Variants in FAM98A observed in about 807,000 individuals in gnomAD.
FAM98A encodes protein FAM98A.
FAM98A carries 25 observed loss-of-function variants against 62.9 expected under a neutral mutation model. That is an observed-to-expected ratio of 0.40 (90% CI 0.29 to 0.56). FAM98A has a LOEUF of 0.56. Ranked by LOEUF, FAM98A falls within the 20% of genes least tolerant of loss-of-function variation. The pLI is 0.51. For synonymous variants in FAM98A, 252 were observed against 228.6 expected (o/e 1.10, Z -0.92); for missense variants, 653 against 640.7 (o/e 1.02, Z -0.21).
intron 6 of FAM98A, among the ~76,000 whole-genome samples, chr2:33,586,115 A>C (rs1162350770): frequency 6.6e-6 from 1 of 152,226 alleles, no homozygotes; most frequent in Non-Finnish European, 1.5e-5. Flanking sequence ...CTATCTGCTG[A>C]ATGACCAAGG....
intron 3 of FAM98A, among the ~76,000 whole-genome samples, chr2:33,591,253 A>C (rs1466612411): frequency 6.6e-6 from 1 of 151,944 alleles, no homozygotes; most frequent in Non-Finnish European, 1.5e-5. Flanking sequence ...TTCAGAAACC[A>C]TAATAGAGTT....
chr2:33,590,497 A>G (rs150110072), intron 3 of FAM98A, among the ~76,000 whole-genome samples: 2 of 152,336 alleles, frequency 1.3e-5, no homozygotes, highest in East Asian at 3.9e-4. Flanking sequence ...ACATGTAGGT[A>G]AATGCTAGAA....
chr2:33,591,945 A>T, intron 3 of FAM98A, 135 bp downstream of exon 3: 2 of 853,642 alleles, frequency 2.3e-6, no homozygotes, highest in Non-Finnish European at 3.6e-6. Context: ...TGGAAATTTA[A>T]GAAAGTTTTA....
In FAM98A at chr2:33,586,844, A is replaced by G; in HGVS notation, c.604-166T>C. Reference sequence around the variant, plus strand: ...CTAACAATTAATGAAATGATAGGTGACAAAAAGCTGATTCACAAAACATAA... The same window carrying G: ...CTAACAATTAATGAAATGATAGGTGGCAAAAAGCTGATTCACAAAACATAA... On this transcript the variant is annotated intron_variant, in intron 5 of 7. Transcript: ENST00000238823. The G allele has an allele frequency of 5.1e-6, 3 of 588,486 alleles. No homozygotes were observed. In the East Asian group the frequency reaches 8.4e-5, roughly 16 times the overall value. The allele number at this position is 588,486 out of a possible 1,614,324, so 36.5% of individuals were successfully genotyped here.
intron 6 of FAM98A, among the ~76,000 whole-genome samples, chr2:33,586,224 C>A (rs1425568549): frequency 2.0e-5 from 3 of 152,112 alleles, no homozygotes; most frequent in Admixed American, 6.5e-5. Flanking sequence ...TTTCTAACTT[C>A]TATTAGCAAA....
In FAM98A at chr2:33,586,543, T is replaced by A. The variant is rs1244756482; in HGVS notation, c.720+19A>T. ...CATGTCTATAAATAGTCTGCTCTTTTAAATTATTTAATGTGTACCTTAGCT... is the reference window on the plus strand; with the variant it reads ...CATGTCTATAAATAGTCTGCTCTTTAAAATTATTTAATGTGTACCTTAGCT... On this transcript the variant is annotated intron_variant, in intron 6 of 7. Coordinates refer to ENST00000238823, the MANE Select transcript of FAM98A (RefSeq NM_015475.5). The A allele has an allele frequency of 6.8e-7, 1 of 1,479,862 alleles. No individual in the cohort carries two copies. The highest frequency in any genetic ancestry group is 1.4e-5 in the African/African-American group (1 of 72,102). The allele number at this position is 1,479,862 out of a possible 1,614,324, so 91.7% of individuals were successfully genotyped here. A position where few individuals can be genotyped will look rare whatever the true frequency, so the allele number is the denominator to read the frequency against.
In FAM98A at chr2:33,585,140, C is replaced by G. The variant is rs138802995; in HGVS notation, c.1193G>C (p.Gly398Ala). The change falls in exon 8 of 8, where the codon GGT becomes GCT. Residue 398 changes from glycine to alanine, a missense_variant. Gly to Ala is a moderately conservative substitution (Grantham distance 60, BLOSUM62 0). Transcript: ENST00000238823. Reference sequence around the variant, plus strand: ...TGGCTGGAAACCTGAATCTCGATAACCACCATCTTGGTAGCCACCTCCTCC... The same window carrying G: ...TGGCTGGAAACCTGAATCTCGATAAGCACCATCTTGGTAGCCACCTCCTCC... ...SGGGGGYQDGGYRDSGFQPGG... is the reference protein window; with the variant it reads ...SGGGGGYQDGAYRDSGFQPGG... The G allele has an allele frequency of 4.9e-5, 79 of 1,614,178 alleles. No individual in the cohort carries two copies. The African/African-American group carries it at 9.7e-4, about 20-fold the overall frequency.
In FAM98A at chr2:33,595,654, T is replaced by C; in HGVS notation, c.54-17A>G. On this transcript the variant is annotated splice_polypyrimidine_tract_variant and intron_variant, in intron 1 of 7. Transcript: ENST00000238823. ...CCCTTGTAACTGGTGAGCAAGAAAT[T>C]ACATTTCAGAAGAAAATACAATCAT... The C allele has an allele frequency of 6.4e-7, 1 of 1,561,624 alleles. No homozygotes were observed. Among genetic ancestry groups the C allele is most frequent in the East Asian group, 2.4e-5 (1 of 42,420 alleles).
rs970830678 is a variant in FAM98A, at chr2:33,584,615, A to G, written c.*161T>C. ...ACGGCATTATGTAAGTCCAATAAAAAAATCTAACAGAATTGAATGAAGACC... is the reference window on the plus strand; with the variant it reads ...ACGGCATTATGTAAGTCCAATAAAAGAATCTAACAGAATTGAATGAAGACC... On this transcript the variant is annotated 3_prime_UTR_variant, in exon 8 of 8. Transcript: ENST00000238823. The G allele has an allele frequency of 2.2e-5, 14 of 641,654 alleles. No homozygotes were observed. Among genetic ancestry groups the G allele is most frequent in the Non-Finnish European group, 3.5e-5 (13 of 370,202 alleles). The allele number at this position is 641,654 out of a possible 1,614,324, so 39.7% of individuals were successfully genotyped here.
In FAM98A at chr2:33,584,673, G is replaced by T. The variant is rs529509200; in HGVS notation, c.*103C>A. 157 of 1,007,064 alleles carry T rather than the reference G, an allele frequency of 1.6e-4. No homozygotes were observed. Among genetic ancestry groups the T allele is most frequent in the Non-Finnish European group, 2.1e-4 (140 of 675,028 alleles). The allele number at this position is 1,007,064 out of a possible 1,614,324, so 62.4% of individuals were successfully genotyped here. ...GCTTATGCCAAGCAGGAATCTGCCT[G>T]CCACCTGTGGTCTCACATTAATTCA... On this transcript the variant is annotated 3_prime_UTR_variant, in exon 8 of 8. Transcript: ENST00000238823.
chr2:33,594,073 T>G (rs1325853436), intron 2 of FAM98A, among the ~76,000 whole-genome samples: 1 of 152,196 alleles, frequency 6.6e-6, no homozygotes. Flanking sequence ...TTAAATTCTC[T>G]GGGCTTTCTT....
intron 4 of FAM98A, 176 bp downstream of exon 4, chr2:33,588,159 T>C (rs1340039536): frequency 4.9e-6 from 3 of 613,252 alleles, no homozygotes; most frequent in East Asian, 2.9e-5. Context: ...AATACTAAAA[T>C]ACTAATTTAT....
At chr2:33,586,983 T>G (rs980285243) in intron 5 of FAM98A, 3 of 523,470 alleles carry the variant, frequency 5.7e-6, no homozygotes, top group Non-Finnish European at 1.0e-5. Context: ...ACGAGAAACA[T>G]GCACCATACT....
chr2:33,592,261 C>A, intron 2 of FAM98A, 47 bp from the exon 3 acceptor site: 1 of 1,414,282 alleles, frequency 7.1e-7, no homozygotes. Flanking sequence ...GATTATTTTT[C>A]CATTAGCATA....
At chr2:33,587,139 T>A in intron 5 of FAM98A, 101 bp downstream of exon 5, 1 of 742,848 alleles carries the variant, frequency 1.3e-6, no homozygotes, top group Non-Finnish European at 2.3e-6. Context: ...AAACTATGTA[T>A]AAGAAAACAT....
chr2:33,588,316 T>C lies in FAM98A; in HGVS notation c.522+19A>G, dbSNP rs768610960. On this transcript the variant is annotated intron_variant, in intron 4 of 7. Transcript: ENST00000238823. ...GACTATGCCTTTAATACACTACAAT[T>C]TGGTACTAAAGGTCTTACTTTTTTT... 6.3e-7 allele frequency: 1 copy of C among 1,584,422 alleles called. No homozygotes were observed. Among genetic ancestry groups the C allele is most frequent in the East Asian group, 2.2e-5 (1 of 44,664 alleles).
Position 33,585,406 on chromosome 2 carries a change from G to A in FAM98A, c.927C>T (p.Pro309=), listed in dbSNP as rs769879882. Residue 309 remains proline, a synonymous_variant, in exon 8 of 8, where the codon CCC becomes CCT. Coordinates refer to ENST00000238823, the MANE Select transcript of FAM98A (RefSeq NM_015475.5). ...CTGGGGGTGGAGGTTCGATTTCATT[G>A]GGTCTACCACCTCTGTCAGGCACCC... ...MGRVPDRGGR[P]NEIEPPPPEM... is the part of the protein sequence containing the mutation. 3.1e-6 allele frequency: 5 copies of A among 1,613,962 alleles called. No homozygotes were observed. Among genetic ancestry groups the A allele is most frequent in the Non-Finnish European group, 4.2e-6 (5 of 1,180,032 alleles).
intron 5 of FAM98A, 162 bp from the exon 6 acceptor site, chr2:33,586,840 G>A: frequency 3.4e-6 from 2 of 588,406 alleles, no homozygotes; most frequent in East Asian, 2.8e-5. Flanking sequence ...TGAAATGATA[G>A]GTGACAAAAA....
At chr2:33,591,656 G>A (rs540096737) in intron 3 of FAM98A, among the ~76,000 whole-genome samples, 83 of 152,248 alleles carry the variant, frequency 5.5e-4, no homozygotes, top group African/African-American at 1.9e-3. Context: ...ACCATTAACT[G>A]TATCTACTAT....
Sources: allele counts gnomAD v4.1 joint callset (sites outside exome capture counted in the v4.1 genomes callset), GRCh38; gene constraint gnomAD v4.1.1; transcripts MANE v1.5; gene names NCBI Gene and HGNC (gene_info 2026-07-23, HGNC 2026-07-21).